CDK5RAP2: variants seen among roughly 807,000 people sequenced by gnomAD.
CDK5RAP2 encodes CDK5 regulatory subunit associated protein 2.
CDK5RAP2 carries 147 observed loss-of-function variants against 232.9 expected under a neutral mutation model. The ratio of observed to expected loss-of-function variants is 0.63; its 90% CI spans 0.55 to 0.72. CDK5RAP2 has a LOEUF of 0.72. Among genes scored for constraint, CDK5RAP2 ranks in the 30% least tolerant of loss-of-function variants. The pLI is 0.00. For synonymous variants in CDK5RAP2, 833 were observed against 833.7 expected (o/e 1.00, Z 0.01); for missense variants, 2,195 against 2,231.5 (o/e 0.98, Z 0.33).
chr9:120,437,252 C>A, intron 25 of CDK5RAP2, 43 bp downstream of exon 25: 2 of 1,406,692 alleles, frequency 1.4e-6, no homozygotes, highest in South Asian at 2.4e-5. Flanking sequence ...AGTCCTGGGT[C>A]AATTACTGAT....
At chr9:120,461,500 G>C (rs1478905659) in intron 18 of CDK5RAP2, among the ~76,000 whole-genome samples, 1 of 152,164 alleles carries the variant, frequency 6.6e-6, no homozygotes, top group African/African-American at 2.4e-5. Context: ...CCCGGATAAG[G>C]AATCAATCAA....
chr9:120,571,759 G>C, intron 2 of CDK5RAP2: 1 of 578,860 alleles, frequency 1.7e-6, no homozygotes, highest in East Asian at 3.1e-5. Context: ...TGAAACTCAT[G>C]AAGTATGGCC....
Position 120,430,692 on chromosome 9 carries a change from A to C in CDK5RAP2, c.3955+6603T>G, listed in dbSNP as rs889887622. ...CTGTAAACTAGTTCAACCATTGTGG[A>C]AGTCAGTGTGGCGATTCCTCAGGGA... On this transcript the variant is annotated intron_variant, in intron 25 of 37. Transcript: ENST00000349780. Among the ~76,000 whole-genome samples the C allele has an allele frequency of 1.9e-3, 284 of 150,806 alleles. 10 individuals are homozygous for C. The East Asian group carries it at 0.05, about 26-fold the overall frequency.
intron 10 of CDK5RAP2, among the ~76,000 whole-genome samples, chr9:120,525,772 A>G (rs2131887999): frequency 6.6e-6 from 1 of 152,176 alleles, no homozygotes; most frequent in East Asian, 1.9e-4. Context: ...GCACGCCACC[A>G]TATCCAGCTA....
At chr9:120,472,390 A>G (rs1237415317) in intron 15 of CDK5RAP2, among the ~76,000 whole-genome samples, 1 of 152,116 alleles carries the variant, frequency 6.6e-6, no homozygotes, top group East Asian at 1.9e-4. Context: ...ATGCCCCAAG[A>G]GGGCTTGGGT....
intron 25 of CDK5RAP2, among the ~76,000 whole-genome samples, chr9:120,426,195 T>A (rs1051003760): frequency 1.3e-5 from 2 of 152,238 alleles, no homozygotes; most frequent in African/African-American, 2.4e-5. Flanking sequence ...GTTGCCACTG[T>A]AAGCCAAAAA....
chr9:120,482,885 C>T (rs1309869425), intron 14 of CDK5RAP2, among the ~76,000 whole-genome samples: 11 of 152,174 alleles, frequency 7.2e-5, no homozygotes, highest in Admixed American at 7.2e-4. Flanking sequence ...CTCTTTGAAG[C>T]CATTTGGGTC....
At chr9:120,472,112 C>G (rs939690084) in intron 15 of CDK5RAP2, among the ~76,000 whole-genome samples, 4 of 152,168 alleles carry the variant, frequency 2.6e-5, no homozygotes, top group African/African-American at 9.7e-5. Context: ...CAATCTTTTC[C>G]CCTATGCGTA....
chr9:120,536,225 C>T (rs1375152529), intron 7 of CDK5RAP2, 147 bp downstream of exon 7: 1 of 766,992 alleles, frequency 1.3e-6, no homozygotes, highest in Non-Finnish European at 2.2e-6. Context: ...TTCTATCTAA[C>T]TGTGTTGGAC....
chr9:120,389,739 A>G lies in CDK5RAP2; in HGVS notation c.5625+2T>C. 1.2e-6 allele frequency: 2 copies of G among 1,614,008 alleles called. No individual in the cohort carries two copies. Among genetic ancestry groups the G allele is most frequent in the Non-Finnish European group, 1.7e-6 (2 of 1,179,898 alleles). On this transcript the variant is annotated splice_donor_variant, in intron 37 of 37. Transcript: ENST00000349780. LOFTEE classifies it high-confidence loss of function. ...TGCAGTGAAAAGACTCAAAGGGCAT[A>G]CCTCCAGGTTTCCTCTGGCCTTCCG...
chr9:120,514,692 A>G (rs980420188), intron 12 of CDK5RAP2, among the ~76,000 whole-genome samples: 4 of 152,206 alleles, frequency 2.6e-5, no homozygotes, highest in African/African-American at 9.6e-5. Context: ...CCTTTCTGCC[A>G]AACTTAGTTC....
At chr9:120,576,459 T>C (rs757903458) in intron 1 of CDK5RAP2, among the ~76,000 whole-genome samples, 4 of 152,156 alleles carry the variant, frequency 2.6e-5, no homozygotes, top group South Asian at 2.1e-4. Context: ...CCCAGCACTT[T>C]GGGAGGCCAA....
chr9:120,437,257 A>G (rs1296425235), intron 25 of CDK5RAP2, 38 bp downstream of exon 25: 2 of 1,446,930 alleles, frequency 1.4e-6, no homozygotes, highest in Admixed American at 3.8e-5. Context: ...TGGGTCAATT[A>G]CTGATGTCTT....
intron 22 of CDK5RAP2, among the ~76,000 whole-genome samples, chr9:120,446,217 G>T (rs1430845216): frequency 6.6e-6 from 1 of 151,952 alleles, no homozygotes; most frequent in Non-Finnish European, 1.5e-5. Context: ...AAAACAGGAA[G>T]TGAACTGGAT....
intron 12 of CDK5RAP2, among the ~76,000 whole-genome samples, chr9:120,503,821 T>G (rs2131732013): frequency 6.6e-6 from 1 of 151,930 alleles, no homozygotes; most frequent in South Asian, 2.1e-4. Context: ...CACTACCCGG[T>G]TTCCTCACAT....
At chr9:120,514,294 T>G (rs1470725453) in intron 12 of CDK5RAP2, among the ~76,000 whole-genome samples, 1 of 152,090 alleles carries the variant, frequency 6.6e-6, no homozygotes, top group South Asian at 2.1e-4. Context: ...TGAAACAAAA[T>G]ACCACTTTTT....
At chr9:120,400,936 G>A (rs1480222469) in intron 34 of CDK5RAP2, 51 bp from the exon 35 acceptor site, 4 of 1,607,306 alleles carry the variant, frequency 2.5e-6, no homozygotes, top group Non-Finnish European at 3.4e-6. Flanking sequence ...AAAGATTTTA[G>A]ACAAGCAAGC....
chr9:120,561,190 G>A (rs749789282), intron 3 of CDK5RAP2, among the ~76,000 whole-genome samples: 1 of 152,148 alleles, frequency 6.6e-6, no homozygotes, highest in East Asian at 1.9e-4. Context: ...TAGTAAAGAG[G>A]GGAGGATACT....
intron 25 of CDK5RAP2, among the ~76,000 whole-genome samples, chr9:120,431,159 G>T (rs1194613596): frequency 6.6e-6 from 1 of 152,130 alleles, no homozygotes; most frequent in Non-Finnish European, 1.5e-5. Flanking sequence ...TACACCTAAT[G>T]CTAAATGACG....
Sources: gnomAD v4.1 joint callset for allele counts (sites outside exome capture counted in the v4.1 genomes callset) on GRCh38, gnomAD v4.1.1 for gene constraint, MANE v1.5 for transcripts, NCBI Gene and HGNC (gene_info 2026-07-23, HGNC 2026-07-21) for gene names.